The following IQCJ variants were observed in gnomAD, a reference collection of about 807,000 sequenced individuals.
IQCJ encodes IQ motif containing J.
IQCJ carries 9 observed loss-of-function variants against 11.0 expected under a neutral mutation model. That is an observed-to-expected ratio of 0.82 (90% CI 0.49 to 1.43). The LOEUF (loss-of-function observed/expected upper bound fraction) is 1.43, where lower values mean the gene tolerates loss of function less well. Among genes scored for constraint, IQCJ ranks in the 40% most tolerant of loss-of-function variants. The pLI is 0.00. For synonymous variants in IQCJ, 55 were observed against 51.3 expected (o/e 1.07, Z -0.31); for missense variants, 146 against 133.2 (o/e 1.10, Z -0.47).
chr3:159,265,590 T>A, downstream of IQCJ: 3 of 487,140 alleles, frequency 6.2e-6, no homozygotes, highest in Non-Finnish European at 7.3e-6. Flanking sequence ...CCCTGCCTCT[T>A]GCTTGATCTT....
chr3:159,207,490 A>G (rs545677807), intron 1 of IQCJ, among the ~76,000 whole-genome samples: 2 of 152,306 alleles, frequency 1.3e-5, no homozygotes, highest in African/African-American at 4.8e-5. Flanking sequence ...AAAGCAAAAA[A>G]TAAATGTCCA....
intron 1 of IQCJ, among the ~76,000 whole-genome samples, chr3:159,210,962 G>A (rs536835317): frequency 2.6e-5 from 4 of 152,276 alleles, no homozygotes; most frequent in African/African-American, 9.6e-5. Context: ...ATAAGCCACC[G>A]TGTCCGGCCT....
intron 1 of IQCJ, among the ~76,000 whole-genome samples, chr3:159,182,809 T>A (rs1479038093): frequency 6.6e-6 from 1 of 151,454 alleles, no homozygotes; most frequent in East Asian, 1.9e-4. Flanking sequence ...TTTCTATCAA[T>A]GTCTGTAATC....
chr3:159,253,988 A>T (rs1430085259), intron 3 of IQCJ, among the ~76,000 whole-genome samples: 1 of 152,214 alleles, frequency 6.6e-6, no homozygotes, highest in African/African-American at 2.4e-5. Flanking sequence ...TCCAAACAAG[A>T]CTTCTGAACC....
At chr3:159,073,170 G>T (rs2108044189) in intron 1 of IQCJ, among the ~76,000 whole-genome samples, 1 of 152,212 alleles carries the variant, frequency 6.6e-6, no homozygotes, top group East Asian at 1.9e-4. Flanking sequence ...ACCAGGCCTA[G>T]TACCCCTGCT....
chr3:159,075,335 A>C (rs967650489), intron 1 of IQCJ, among the ~76,000 whole-genome samples: 1 of 152,128 alleles, frequency 6.6e-6, no homozygotes, highest in Non-Finnish European at 1.5e-5. Flanking sequence ...TCCATGGTGT[A>C]CAAAAAAAAT....
At chr3:159,257,784 C>A (rs1727979751) in intron 3 of IQCJ, among the ~76,000 whole-genome samples, 1 of 152,212 alleles carries the variant, frequency 6.6e-6, no homozygotes, top group Non-Finnish European at 1.5e-5. Context: ...AGGGGTTCTA[C>A]TTCTCCACTC....
intron 1 of IQCJ, among the ~76,000 whole-genome samples, chr3:159,106,774 C>T (rs1343373181): frequency 6.6e-6 from 1 of 152,120 alleles, no homozygotes; most frequent in African/African-American, 2.4e-5. Context: ...TTTAGGCCAC[C>T]CATATTTCTG....
intron 1 of IQCJ, among the ~76,000 whole-genome samples, chr3:159,162,720 A>G (rs900607754): frequency 2.0e-5 from 3 of 152,234 alleles, no homozygotes; most frequent in African/African-American, 7.2e-5. Flanking sequence ...AATAGACGCA[A>G]TAAAAAATGA....
intron 1 of IQCJ, among the ~76,000 whole-genome samples, chr3:159,101,511 C>T (rs1412869644): frequency 2.0e-5 from 3 of 152,194 alleles, no homozygotes; most frequent in African/African-American, 7.2e-5. Flanking sequence ...AGGGGAGAGC[C>T]ACTCAGTGGA....
At chr3:159,216,692 C>A (rs1725254078) in intron 1 of IQCJ, among the ~76,000 whole-genome samples, 1 of 150,250 alleles carries the variant, frequency 6.7e-6, no homozygotes, top group South Asian at 2.1e-4. Context: ...GACATACATG[C>A]ATTTTTTTTC....
chr3:159,104,360 C>T, intron 1 of IQCJ, among the ~76,000 whole-genome samples: 1 of 152,164 alleles, frequency 6.6e-6, no homozygotes, highest in East Asian at 1.9e-4. Flanking sequence ...ATCCCTCTTC[C>T]CCAAATCACC....
chr3:159,101,820 T>C (rs1717946422), intron 1 of IQCJ, among the ~76,000 whole-genome samples: 1 of 152,240 alleles, frequency 6.6e-6, no homozygotes, highest in Non-Finnish European at 1.5e-5. Context: ...ATGGTTTTTC[T>C]TAACTGTCGG....
intron 1 of IQCJ, among the ~76,000 whole-genome samples, chr3:159,220,566 C>T (rs1238498693): frequency 1.3e-5 from 2 of 152,118 alleles, no homozygotes; most frequent in East Asian, 3.9e-4. Context: ...GTTCAGCCCC[C>T]AGTCTGTCAT....
intron 1 of IQCJ, among the ~76,000 whole-genome samples, chr3:159,101,911 A>G (rs1312949428): frequency 2.0e-5 from 3 of 152,258 alleles, no homozygotes; most frequent in African/African-American, 7.2e-5. Context: ...ACTTCAGTAT[A>G]CAATTTCATG....
At chr3:159,135,949 T>A (rs1720265679) in intron 1 of IQCJ, among the ~76,000 whole-genome samples, 1 of 152,252 alleles carries the variant, frequency 6.6e-6, no homozygotes, top group Admixed American at 6.5e-5. Context: ...AAGTGCTTTT[T>A]AAATAATAAT....
intron 3 of IQCJ, among the ~76,000 whole-genome samples, chr3:159,257,819 C>A (rs1370513906): frequency 6.6e-6 from 1 of 152,154 alleles, no homozygotes; most frequent in Non-Finnish European, 1.5e-5. Context: ...ACAAGCCAAA[C>A]CCACTGTCTC....
In IQCJ at chr3:159,231,317, T is replaced by A. The variant is rs147076576; in HGVS notation, c.10-14526T>A. On this transcript the variant is annotated intron_variant, in intron 1 of 3. Transcript: ENST00000397832. ...GAGATGACATTCCAGACAGTAGAAA[T>A]CTTTATATATGTGTTCAGTGAAAAT... Among the ~76,000 whole-genome samples, 591 of 152,276 alleles carry A rather than the reference T, an allele frequency of 3.9e-3. 4 individuals are homozygous for A. The highest frequency in any genetic ancestry group is 0.013 in the African/African-American group (557 of 41,548).
At position 159,162,457 on chromosome 3, in the gene IQCJ, TAC is replaced by T. The variant is rs571466571; in HGVS notation, c.10-83384_10-83383del. Among the ~76,000 whole-genome samples the T allele has an allele frequency of 6.4e-3, 981 of 152,282 alleles. 7 individuals are homozygous for T. The highest frequency in any genetic ancestry group is 0.023 in the African/African-American group (954 of 41,546). Reference sequence around the variant, plus strand: ...CTGAGACAGTGGGGTTTTCTAGATATACAATCATGTCATCTGCAAAGAGGGAC... The same window carrying T: ...CTGAGACAGTGGGGTTTTCTAGATATAATCATGTCATCTGCAAAGAGGGAC... On this transcript the variant is annotated intron_variant, in intron 1 of 3. Transcript: ENST00000397832.
Sources: allele counts gnomAD v4.1 joint callset (sites outside exome capture counted in the v4.1 genomes callset), GRCh38; gene constraint gnomAD v4.1.1; transcripts MANE v1.5; gene names NCBI Gene and HGNC (gene_info 2026-07-23, HGNC 2026-07-21).